NEDD4: variants seen among roughly 807,000 people sequenced by gnomAD.
NEDD4 encodes NEDD4 E3 ubiquitin protein ligase.
Under a neutral mutation model 144.9 loss-of-function variants are expected in NEDD4, and 99 were observed. The ratio of observed to expected loss-of-function variants is 0.68; its 90% CI spans 0.58 to 0.81. The LOEUF (loss-of-function observed/expected upper bound fraction) is 0.81. Ranked by LOEUF, NEDD4 falls within the 30% of genes least tolerant of loss-of-function variation. NEDD4 has a pLI of 0.00. For synonymous variants in NEDD4, 318 were observed against 350.6 expected (o/e 0.91, Z 1.04); for missense variants, 985 against 1,065.9 (o/e 0.92, Z 1.06).
At chr15:55,984,434 T>C (rs1321133403) in intron 1 of NEDD4, among the ~76,000 whole-genome samples, 1 of 152,220 alleles carries the variant, frequency 6.6e-6, no homozygotes, top group African/African-American at 2.4e-5. Flanking sequence ...AGCTAAAGTA[T>C]GAAAAAATCT....
At chr15:55,833,831 T>C (rs1344554568) in intron 26 of NEDD4, among the ~76,000 whole-genome samples, 2 of 152,236 alleles carry the variant, frequency 1.3e-5, no homozygotes, top group South Asian at 2.1e-4. Flanking sequence ...TTCCACTTAC[T>C]ACCTTCTGAA....
intron 5 of NEDD4, among the ~76,000 whole-genome samples, chr15:55,912,094 A>G (rs1459935948): frequency 1.3e-5 from 2 of 152,242 alleles, no homozygotes; most frequent in African/African-American, 4.8e-5. Context: ...ATTTTTCACC[A>G]ACTTTCTAAA....
intron 8 of NEDD4, among the ~76,000 whole-genome samples, chr15:55,864,916 G>A (rs763596432): frequency 1.3e-5 from 2 of 151,952 alleles, no homozygotes; most frequent in Admixed American, 6.6e-5. Flanking sequence ...TAGGAATTCC[G>A]GCCAGGCACA....
intron 2 of NEDD4, among the ~76,000 whole-genome samples, chr15:55,962,194 C>T (rs765153528): frequency 6.6e-6 from 1 of 152,154 alleles, no homozygotes; most frequent in Non-Finnish European, 1.5e-5. Flanking sequence ...ATATCCACTT[C>T]AGTCTTTTTA....
intron 5 of NEDD4, among the ~76,000 whole-genome samples, chr15:55,887,803 T>C (rs537980002): frequency 2.6e-4 from 40 of 152,146 alleles, no homozygotes; most frequent in Admixed American, 2.0e-3. Context: ...GGGGATTCAT[T>C]ACAGGGATGC....
At chr15:55,916,790 G>T (rs1459111937) in intron 5 of NEDD4, 1 of 1,609,382 alleles carries the variant, frequency 6.2e-7, no homozygotes, top group South Asian at 1.1e-5. Context: ...GGTAAGTATT[G>T]CTTCTTCTGG....
intron 5 of NEDD4, among the ~76,000 whole-genome samples, chr15:55,903,925 C>A (rs142185481): frequency 6.6e-6 from 1 of 150,478 alleles, no homozygotes; most frequent in Non-Finnish European, 1.5e-5. Context: ...TTTGTGAGGG[C>A]GAGGTGGGAG....
In NEDD4 at chr15:55,850,657, T is replaced by C; in HGVS notation, c.1232A>G (p.Gln411Arg). 1 of 1,614,152 alleles carries C rather than the reference T, an allele frequency of 6.2e-7. No homozygotes were observed. The highest frequency in any genetic ancestry group is 8.5e-7 in the Non-Finnish European group (1 of 1,180,014). The change falls in exon 14 of 29, where the codon CAG becomes CGG. Residue 411 changes from glutamine to arginine, a missense_variant. Gln to Arg is a conservative substitution (Grantham distance 43). Transcript: ENST00000435532. ...SQASTSDSGQQVTQPSEIEQG... is the reference protein window; with the variant it reads ...SQASTSDSGQRVTQPSEIEQG... ...CTCAATTTCAGATGGCTGGGTCACC[T>C]GCTGGCCTGAATCACTGGTGGAGGC...
At chr15:55,892,266 C>CAATAAATAAATAAATA in intron 5 of NEDD4, among the ~76,000 whole-genome samples, 1 of 138,186 alleles carries the variant, frequency 7.2e-6, no homozygotes, top group Non-Finnish European at 1.5e-5. Context: ...AACTCCAACT[C>CAATAAATAAATAAATA]AATAAATAAA....
At chr15:55,969,891 A>C (rs990905904) in intron 1 of NEDD4, among the ~76,000 whole-genome samples, 5 of 151,936 alleles carry the variant, frequency 3.3e-5, no homozygotes, top group Admixed American at 3.3e-4. Flanking sequence ...GAAAAGTAAA[A>C]AAAAAAAAAT....
At chr15:55,959,356 A>G (rs1261607081) in intron 2 of NEDD4, among the ~76,000 whole-genome samples, 4 of 152,204 alleles carry the variant, frequency 2.6e-5, no homozygotes, top group African/African-American at 9.6e-5. Context: ...CTGTTCTCAA[A>G]GAACATCCTC....
At position 55,912,300 on chromosome 15, in the gene NEDD4, TAAG is replaced by T. The variant is rs1407839355; in HGVS notation, c.291+12343_291+12345del. 5.3e-5 allele frequency among the ~76,000 whole-genome samples: 8 copies of T among 152,202 alleles called. No individual in the cohort carries two copies. The East Asian group carries it at 1.5e-3, about 29-fold the overall frequency. ...ATCTATTTTAGGAAGAACAATAAAA[TAAG>T]AAAATATTGAAATGTATAATCTTGA... On this transcript the variant is annotated intron_variant, in intron 5 of 28. Transcript: ENST00000435532.
intron 5 of NEDD4, among the ~76,000 whole-genome samples, chr15:55,889,544 G>C (rs554383578): frequency 2.0e-5 from 3 of 151,846 alleles, no homozygotes; most frequent in African/African-American, 7.2e-5. Flanking sequence ...GAGATAGAGA[G>C]TAGAATGATG....
rs750657099 is a variant in NEDD4 at position 55,830,499 on chromosome 15, C to T, written c.2600+15G>A. On this transcript the variant is annotated intron_variant, in intron 28 of 28. Transcript: ENST00000435532. Reference sequence around the variant, plus strand: ...TCTGAGGCTTTGTTCTATCAAGGTCCAAACAACTGCTTACCAGGTATGAGC... The same window carrying T: ...TCTGAGGCTTTGTTCTATCAAGGTCTAAACAACTGCTTACCAGGTATGAGC... 1 of 1,612,016 alleles carries T rather than the reference C, an allele frequency of 6.2e-7. No individual in the cohort carries two copies. The highest frequency in any genetic ancestry group is 8.5e-7 in the Non-Finnish European group (1 of 1,178,066).
chr15:55,902,615 T>A (rs1331175470), intron 5 of NEDD4, among the ~76,000 whole-genome samples: 1 of 152,210 alleles, frequency 6.6e-6, no homozygotes, highest in East Asian at 1.9e-4. Context: ...TACTTTTGTG[T>A]ATGTTTGAAA....
At position 55,923,931 on chromosome 15, in the gene NEDD4, A is replaced by G. The variant is rs189412154; in HGVS notation, c.291+715T>C. ...AACTGATAAGCTTTGCACACATAAC[A>G]CTGTTTCTATACTTACCTGTTCAAA... On this transcript the variant is annotated intron_variant, in intron 5 of 28. Transcript: ENST00000435532. Among the ~76,000 whole-genome samples the G allele has an allele frequency of 3.7e-4, 57 of 152,154 alleles. 1 individual carries two copies. The highest frequency in any genetic ancestry group is 1.3e-3 in the African/African-American group (53 of 41,530).
chr15:55,986,580 C>CTT (rs58470215), intron 1 of NEDD4, among the ~76,000 whole-genome samples: 2,378 of 76,538 alleles, frequency 0.031, 1 homozygote, highest in Non-Finnish European at 0.038. Context: ...CCTGTCCTTG[C>CTT]TTTTTTTTTT....
intron 5 of NEDD4, among the ~76,000 whole-genome samples, chr15:55,899,601 A>G (rs944357686): frequency 6.6e-6 from 1 of 152,120 alleles, no homozygotes; most frequent in South Asian, 2.1e-4. Context: ...ATGGGGCTCC[A>G]CTCCTTCAGC....
chr15:55,854,824 C>G (rs535364067), intron 12 of NEDD4, among the ~76,000 whole-genome samples: 3 of 152,064 alleles, frequency 2.0e-5, no homozygotes, highest in Admixed American at 6.5e-5. Context: ...GGCATGGAAA[C>G]AACTTTTCTG....
Sources: allele counts gnomAD v4.1 joint callset (sites outside exome capture counted in the v4.1 genomes callset), GRCh38; gene constraint gnomAD v4.1.1; transcripts MANE v1.5; gene names NCBI Gene and HGNC (gene_info 2026-07-23, HGNC 2026-07-21).